MMS19: variants seen among roughly 807,000 people sequenced by gnomAD.
MMS19 encodes MMS19 cytosolic iron-sulfur assembly component.
A neutral mutation model predicts 129.8 loss-of-function variants in MMS19; 77 were observed. That is an observed-to-expected ratio of 0.59 (90% confidence interval 0.49 to 0.72). MMS19 has a LOEUF of 0.72. Among genes scored for constraint, MMS19 ranks in the 30% least tolerant of loss-of-function variants. The pLI is 0.00. For missense variants in MMS19, 1,168 were observed against 1,266.3 expected (o/e 0.92, Z 1.18); for synonymous variants, 491 against 502.8 (o/e 0.98, Z 0.31).
rs933493409 is a variant in MMS19, at chr10:97,467,000, T to C, written c.1298-99A>G. ...GCCAACCTGGGGTAGATTTTTTTTT[T>C]GAGACAAGGCCTCTGTTGCCCAGGC... is the stretch of plus-strand genomic sequence containing the variant. On this transcript the variant is annotated intron_variant, in intron 14 of 30. Coordinates refer to ENST00000438925, the MANE Select transcript of MMS19 (RefSeq NM_022362.5). 12 of 1,366,536 alleles carry C rather than the reference T, an allele frequency of 8.8e-6. No individual in the cohort carries two copies. In the African/African-American group the frequency reaches 1.6e-4, roughly 18 times the overall value. The allele number at this position is 1,366,536 out of a possible 1,614,324, so 84.7% of individuals were successfully genotyped here.
Position 97,460,904 on chromosome 10 carries a change from T to C in MMS19, c.2412+3A>G. The C allele has an allele frequency of 1.3e-6, 2 of 1,575,052 alleles. No homozygotes were observed. The highest frequency in any genetic ancestry group is 2.7e-5 in the African/African-American group (2 of 74,222). On this transcript the variant is annotated splice_donor_region_variant and intron_variant, in intron 24 of 30. Coordinates refer to ENST00000438925, the MANE Select transcript of MMS19 (RefSeq NM_022362.5). ...CTAACCAGACTCCACTCCAACTCCT[T>C]ACCCAGAGAAGAAGAGTGAAGGCCT...
intron 19 of MMS19, among the ~76,000 whole-genome samples, chr10:97,463,554 A>C (rs144962039): frequency 6.6e-6 from 1 of 152,368 alleles, no homozygotes; most frequent in East Asian, 1.9e-4. Context: ...AGAGTTGAGG[A>C]TAAAACCCAA....
At chr10:97,475,947 G>T (rs2035680174) in intron 8 of MMS19, among the ~76,000 whole-genome samples, 1 of 152,204 alleles carries the variant, frequency 6.6e-6, no homozygotes, top group South Asian at 2.1e-4. Flanking sequence ...ACTGAAATAA[G>T]CTGGTAAGAA....
intron 20 of MMS19, among the ~76,000 whole-genome samples, chr10:97,462,364 A>G (rs1216066239): frequency 6.6e-6 from 1 of 152,236 alleles, no homozygotes; most frequent in Non-Finnish European, 1.5e-5. Flanking sequence ...TCTTAAGCAC[A>G]TCTGCGGCTA....
intron 12 of MMS19, 103 bp downstream of exon 12, chr10:97,468,863 C>A (rs1373744480): frequency 1.6e-6 from 2 of 1,266,170 alleles, no homozygotes; most frequent in Admixed American, 5.2e-5. Flanking sequence ...CCCGCCTCGG[C>A]CTCCTAAAGT....
intron 1 of MMS19, among the ~76,000 whole-genome samples, chr10:97,496,023 C>T (rs29001258): frequency 0.12 from 17,606 of 152,148 alleles, 1,424 homozygotes; most frequent in East Asian, 0.33. Flanking sequence ...TCAAGCAATC[C>T]GCCTACCTTG....
At chr10:97,496,379 G>T (rs1242631454) in intron 1 of MMS19, among the ~76,000 whole-genome samples, 1 of 151,892 alleles carries the variant, frequency 6.6e-6, no homozygotes, top group African/African-American at 2.4e-5. Context: ...GAGCGCAGTG[G>T]CACACTCCCT....
chr10:97,463,876 CAGCCAAGGCAAGCAGGCAAGGTAT>C lies in MMS19; in HGVS notation c.1870_1893del (p.Ile624_Ala631del). 6.2e-7 allele frequency: 1 copy of C among 1,611,532 alleles called. No individual in the cohort carries two copies. Among genetic ancestry groups the C allele is most frequent in the East Asian group, 2.2e-5 (1 of 44,816 alleles). On this transcript the variant is annotated inframe_deletion, in exon 19 of 31. Transcript: ENST00000438925. Reference sequence around the variant, plus strand: ...AAGTTACCTGGCATAGAGGCCTGCACAGCCAAGGCAAGCAGGCAAGGTATAGCTGTCTGGTGGAAATACCAGCAA... The same window carrying C: ...AAGTTACCTGGCATAGAGGCCTGCACAGCTGTCTGGTGGAAATACCAGCAA...
rs2036266620 is a variant in MMS19, at chr10:97,479,010, T to TCCC, written c.263-622_263-621insGGG. 9.2e-5 allele frequency among the ~76,000 whole-genome samples: 14 copies of TCCC among 152,214 alleles called. No homozygotes were observed. The South Asian group carries it at 2.9e-3, about 32-fold the overall frequency. On this transcript the variant is annotated intron_variant, in intron 3 of 30. Coordinates refer to ENST00000438925, the MANE Select transcript of MMS19 (RefSeq NM_022362.5). The stretch of plus-strand genomic sequence containing the variant: ...GGGACGATCATTTAAGCCCAGAGGT[T>TCCC]TAAGGCCACCCTGAGCAACACAGTG...
intron 1 of MMS19, among the ~76,000 whole-genome samples, chr10:97,492,474 CA>C (rs1281649208): frequency 1.1e-4 from 12 of 113,564 alleles, no homozygotes; most frequent in Non-Finnish European, 1.1e-4. Context: ...GACTCTGTCT[CA>C]AAAAAAAAAG....
rs1011609481 is a variant in MMS19 at position 97,469,216 on chromosome 10, G to A, written c.925-112C>T. On this transcript the variant is annotated intron_variant, in intron 11 of 30. Transcript: ENST00000438925. ...GGGGAGTGAGAACCTCTAGGACACA[G>A]AAATGGAAATTAACACCCCAACTGA... 69 of 1,345,124 alleles carry A rather than the reference G, an allele frequency of 5.1e-5. No homozygotes were observed. The African/African-American group carries it at 8.5e-4, about 17-fold the overall frequency. 83.3% of individuals were successfully genotyped at this position (1,345,124 alleles called of 1,614,324 possible).
In MMS19 at chr10:97,461,487, T is replaced by A. The variant is rs1385237930; in HGVS notation, c.2311+9A>T. On this transcript the variant is annotated intron_variant, in intron 23 of 30. Coordinates refer to ENST00000438925, the MANE Select transcript of MMS19 (RefSeq NM_022362.5). ...CTGGGAGGCTCCTTACATAGTCTGA[T>A]CTCAGTACCTGCAGGGTGCTTGTTG... The A allele has an allele frequency of 6.2e-7, 1 of 1,606,984 alleles. No individual in the cohort carries two copies.
Position 97,477,918 on chromosome 10 carries a change from C to A in MMS19, c.360G>T (p.Val120=), listed in dbSNP as rs770949948. ...LQGLKALSLC[V]ALPPGLAVSV... is the part of the protein sequence containing the mutation. ...AAACAGCCAGCCCTGGGGGCAGGGC[C>A]ACACACAGGCTCTGGGGGAGAGGAG... The change falls in exon 5 of 31, where the codon GTG becomes GTT. Residue 120 remains valine, a synonymous_variant. Coordinates refer to ENST00000438925, the MANE Select transcript of MMS19 (RefSeq NM_022362.5). The A allele has an allele frequency of 2.1e-5, 34 of 1,603,898 alleles. No individual in the cohort carries two copies. The highest frequency in any genetic ancestry group is 2.8e-5 in the Non-Finnish European group (33 of 1,176,118).
intron 23 of MMS19, 112 bp downstream of exon 23, chr10:97,461,384 G>C (rs1219304480): frequency 1.5e-6 from 2 of 1,298,904 alleles, no homozygotes; most frequent in Non-Finnish European, 2.1e-6. Flanking sequence ...AGCAGTTGAA[G>C]CCCTGTTAAT....
chr10:97,461,869 T>A lies in MMS19; in HGVS notation c.2143A>T (p.Ile715Phe). 6.2e-7 allele frequency: 1 copy of A among 1,607,992 alleles called. No homozygotes were observed. Among genetic ancestry groups the A allele is most frequent in the Non-Finnish European group, 8.5e-7 (1 of 1,177,424 alleles). Residue 715 changes from isoleucine (I) to phenylalanine (F), a missense_variant, in exon 22 of 31, where the codon ATT becomes TTT. Physicochemically the swap from Ile to Phe is conservative, Grantham distance 21 (BLOSUM62 0). Transcript: ENST00000438925. ...CAGACAAAGGCCATAAGCAGTGCAA[T>A]CAGCCGCCTCTGCCCTGAGGAGCCA... ...QDGSSGQRRL[I>F]ALLMAFVCSL... is the part of the protein sequence containing the mutation.
intron 19 of MMS19, 108 bp from the exon 20 acceptor site, chr10:97,462,790 G>A (rs975756228): frequency 3.5e-5 from 28 of 810,852 alleles, no homozygotes; most frequent in African/African-American, 1.9e-4. Flanking sequence ...CTCTAGCCAC[G>A]ACAGCAGTTC....
intron 3 of MMS19, 22 bp downstream of exon 3, chr10:97,480,920 T>A (rs768925382): frequency 1.5e-5 from 23 of 1,529,594 alleles, no homozygotes; most frequent in Non-Finnish European, 2.1e-5. Context: ...CAGGAAGACA[T>A]TCCTATTAGT....
At chr10:97,480,349 T>C (rs1019526319) in intron 3 of MMS19, 5 of 453,938 alleles carry the variant, frequency 1.1e-5, no homozygotes, top group African/African-American at 1.0e-4. Context: ...CCTATTAAAC[T>C]CTCTGCTCCT....
intron 1 of MMS19, among the ~76,000 whole-genome samples, chr10:97,487,566 G>A (rs2038137714): frequency 6.6e-6 from 1 of 151,980 alleles, no homozygotes; most frequent in African/African-American, 2.4e-5. Context: ...TGATCTGCTG[G>A]CCTTGGCCTC....
Sources: allele counts gnomAD v4.1 joint callset (sites outside exome capture counted in the v4.1 genomes callset), GRCh38; gene constraint gnomAD v4.1.1; transcripts MANE v1.5; gene names NCBI Gene and HGNC (gene_info 2026-07-23, HGNC 2026-07-21).